CCDC40: variants seen among roughly 807,000 people sequenced by gnomAD.
The protein encoded by CCDC40 is coiled-coil domain-containing protein 40.
In CCDC40, 104 loss-of-function variants were observed where a neutral mutation model predicts 124.5. The ratio of observed to expected loss-of-function variants is 0.84; its 90% CI spans 0.71 to 0.98. CCDC40 has a LOEUF of 0.98. Among genes scored for constraint, CCDC40 ranks in the 50% least tolerant of loss-of-function variants. CCDC40 has a pLI of 0.00. For synonymous variants in CCDC40, 580 were observed against 602.9 expected, an observed-to-expected ratio of 0.96 and a Z score of 0.56; for missense variants, 1,463 against 1,503.9, an observed-to-expected ratio of 0.97 and a Z score of 0.45.
At position 80,049,853 on chromosome 17, in the gene CCDC40, C is replaced by T. The variant is rs374617183; in HGVS notation, c.856-53C>T. 4.0e-5 allele frequency: 61 copies of T among 1,513,024 alleles called. 1 individual carries two copies. Among genetic ancestry groups the T allele is most frequent in the Non-Finnish European group, 5.1e-5 (56 of 1,088,906 alleles). The allele number at this position is 1,513,024 out of a possible 1,614,324, so 93.7% of individuals were successfully genotyped here. A position where few individuals can be genotyped will look rare whatever the true frequency, so the allele number is the denominator to read the frequency against. On this transcript the variant is annotated intron_variant, in intron 5 of 19. Coordinates refer to ENST00000397545, the MANE Select transcript of CCDC40 (RefSeq NM_017950.4). ...TGGCCACCTGGGCTGAGCCCTGGGT[C>T]GGGCAGGAGGGTAACCAGAAAGGTA...
chr17:80,067,837 G>A, intron 10 of CCDC40: 1 of 1,423,120 alleles, frequency 7.0e-7, no homozygotes, highest in Non-Finnish European at 9.2e-7. Flanking sequence ...TCACACTTCA[G>A]GACTGTGCCA....
Position 80,082,009 on chromosome 17 carries a change from A to G in CCDC40, c.1940A>G (p.Lys647Arg), listed in dbSNP as rs1349370603. ...CACATGACCTCCAACAAGACCACCA[A>G]ATACTTCAACCAGCTCATCCTGAGG... ...QEHMTSNKTT[K>R]YFNQLILRLQ... The change falls in exon 12 of 20, where the codon AAA (lysine) becomes AGA (arginine). Residue 647 changes from lysine to arginine, a missense_variant. Physicochemically the swap from Lys to Arg is conservative, Grantham distance 26. Coordinates refer to ENST00000397545, the MANE Select transcript of CCDC40 (RefSeq NM_017950.4). 3.7e-6 allele frequency: 6 copies of G among 1,613,378 alleles called. No individual in the cohort carries two copies. The highest frequency in any genetic ancestry group is 4.5e-5 in the East Asian group (2 of 44,692).
chr17:80,093,031 C>T (rs931431652), intron 17 of CCDC40, among the ~76,000 whole-genome samples: 3 of 152,270 alleles, frequency 2.0e-5, no homozygotes, highest in Middle Eastern at 3.4e-3. Context: ...CTTCCTCCAC[C>T]GAACTACCGT....
chr17:80,061,699 G>T (rs923788439), intron 9 of CCDC40, among the ~76,000 whole-genome samples: 1 of 152,206 alleles, frequency 6.6e-6, no homozygotes. Context: ...TTCATCGAGC[G>T]AAGTCACAAG....
At chr17:80,049,293 TACTC>T (rs1008454248) in intron 5 of CCDC40, among the ~76,000 whole-genome samples, 3 of 151,462 alleles carry the variant, frequency 2.0e-5, no homozygotes, top group Non-Finnish European at 4.4e-5. Flanking sequence ...TAATCCCTGT[TACTC>T]AGGAGGCTGA....
At chr17:80,050,315 C>T (rs1003804431) in intron 7 of CCDC40, 32 bp downstream of exon 7, 27 of 1,524,490 alleles carry the variant, frequency 1.8e-5, no homozygotes, top group African/African-American at 2.8e-5. Flanking sequence ...ACACGCCATC[C>T]GGTCCTGGAG....
At chr17:80,077,534 A>G (rs1187621290) in intron 10 of CCDC40, among the ~76,000 whole-genome samples, 1 of 152,252 alleles carries the variant, frequency 6.6e-6, no homozygotes, top group Non-Finnish European at 1.5e-5. Context: ...AAAATAAACA[A>G]TAAAACAGCT....
chr17:80,054,428 C>T (rs2037686119), intron 7 of CCDC40, among the ~76,000 whole-genome samples: 1 of 152,150 alleles, frequency 6.6e-6, no homozygotes. Flanking sequence ...ACAAACACTT[C>T]CTGTGTTATC....
chr17:80,090,242 CACGAACAACACGGGACGCGCGCGGGCACG>C, intron 17 of CCDC40: 4 of 875,212 alleles, frequency 4.6e-6, no homozygotes, highest in Non-Finnish European at 4.9e-6. Flanking sequence ...CAGGCACGTG[CACGAACAACACGGGACGCGCGCGGGCACG>C]TGCACGAACA....
chr17:80,055,857 C>T (rs1014250187), intron 7 of CCDC40, among the ~76,000 whole-genome samples: 5 of 150,250 alleles, frequency 3.3e-5, no homozygotes, highest in Non-Finnish European at 5.9e-5. Flanking sequence ...ACGCATCTTG[C>T]TCTGTTTCCC....
Position 80,099,871 on chromosome 17 carries a change from C to T in CCDC40, c.*96C>T. ...TGGAATCTTTTGTGTTCCTAAAAACCACATGTACCCTCAGAAGGGCATCGT... is the reference window on the plus strand; with the variant it reads ...TGGAATCTTTTGTGTTCCTAAAAACTACATGTACCCTCAGAAGGGCATCGT... On this transcript the variant is annotated 3_prime_UTR_variant, in exon 20 of 20. Coordinates refer to ENST00000397545, the MANE Select transcript of CCDC40 (RefSeq NM_017950.4). 1 of 1,370,308 alleles carries T rather than the reference C, an allele frequency of 7.3e-7. No individual in the cohort carries two copies. The highest frequency in any genetic ancestry group is 1.0e-6 in the Non-Finnish European group (1 of 986,188). The allele number at this position is 1,370,308 out of a possible 1,614,324, so 84.9% of individuals were successfully genotyped here.
intron 9 of CCDC40, among the ~76,000 whole-genome samples, chr17:80,061,321 G>A (rs1247835703): frequency 6.6e-6 from 1 of 152,208 alleles, no homozygotes; most frequent in East Asian, 1.9e-4. Flanking sequence ...ATTTCAGCCT[G>A]GGCGACAGAG....
intron 7 of CCDC40, among the ~76,000 whole-genome samples, chr17:80,056,016 ATT>A (rs1193599741): frequency 2.0e-4 from 2 of 10,252 alleles, no homozygotes; most frequent in South Asian, 6.4e-3. Context: ...ATATATATAT[ATT>A]TTTTTTTTTT....
At chr17:80,081,513 A>G (rs1259184412) in intron 10 of CCDC40, 33 bp from the exon 11 acceptor site, 2 of 1,612,988 alleles carry the variant, frequency 1.2e-6, no homozygotes, top group Non-Finnish European at 1.7e-6. Context: ...GATGTCTCAC[A>G]CGTAACTGGC....
intron 2 of CCDC40, among the ~76,000 whole-genome samples, chr17:80,039,299 G>A (rs1210349777): frequency 6.6e-6 from 1 of 151,980 alleles, no homozygotes; most frequent in Non-Finnish European, 1.5e-5. Flanking sequence ...CCCAGGAGGT[G>A]GAAGTTGCAG....
In CCDC40 at chr17:80,058,641, A is replaced by G; in HGVS notation, c.1307A>G (p.Lys436Arg). ...ETERIRAEIE[K>R]KKQDLYVDQL... ...GAGAGGATCCGGGCAGAAATCGAGA[A>G]GAAAAAGCAGGTATTCTGCAAACTC... The change falls in exon 8 of 20, where the codon AAG becomes AGG. Residue 436 changes from lysine to arginine, a missense_variant. Coordinates refer to ENST00000397545, the MANE Select transcript of CCDC40 (RefSeq NM_017950.4). This position sits in a 1 kb window ranked among gnomAD's most constrained non-coding sequence, Gnocchi z 4.2. 1.2e-6 allele frequency: 2 copies of G among 1,614,256 alleles called. No homozygotes were observed. Among genetic ancestry groups the G allele is most frequent in the East Asian group, 2.2e-5 (1 of 44,890 alleles).
At chr17:80,074,386 G>A (rs1220327693) in intron 10 of CCDC40, among the ~76,000 whole-genome samples, 1 of 152,186 alleles carries the variant, frequency 6.6e-6, no homozygotes, top group Non-Finnish European at 1.5e-5. Flanking sequence ...GGCAGGTGCT[G>A]AGGCAGGAGA....
chr17:80,050,105 G>A lies in CCDC40; in HGVS notation c.981G>A (p.Leu327=), dbSNP rs1339115936. The A allele has an allele frequency of 3.1e-6, 5 of 1,614,000 alleles. No homozygotes were observed. Among genetic ancestry groups the A allele is most frequent in the Admixed American group, 3.3e-5 (2 of 60,022 alleles). Residue 327 remains leucine, a synonymous_variant, in exon 7 of 20, where the codon CTG becomes CTA. Transcript: ENST00000397545. ...AGAGCCGAGCCCAGCGGCAGGAGCT[G>A]GGGGTGAATCTCTATGAGGTGCAGC... ...TKQSRAQRQE[L]GVNLYEVQQH...
intron 19 of CCDC40, chr17:80,097,619 T>C: frequency 1.7e-6 from 1 of 591,686 alleles, no homozygotes; most frequent in South Asian, 2.0e-5. Context: ...TGTTATGGGC[T>C]GGGCTCATGT....
Sources: gnomAD v4.1 joint callset for allele counts (sites outside exome capture counted in the v4.1 genomes callset) on GRCh38, gnomAD v4.1.1 for gene constraint, Gnocchi (gnomAD v3.1) non-coding constraint, MANE v1.5 for transcripts, NCBI Gene and HGNC (gene_info 2026-07-23, HGNC 2026-07-21) for gene names.